CADPS2: variants seen among roughly 807,000 people sequenced by gnomAD.
CADPS2 encodes calcium dependent secretion activator 2.
In CADPS2, 93 loss-of-function variants were observed where a neutral mutation model predicts 172.5. That is an observed-to-expected ratio of 0.54 (90% CI 0.46 to 0.64). The LOEUF is 0.64. Among genes scored for constraint, CADPS2 ranks in the 30% least tolerant of loss-of-function variants. The probability of loss-of-function intolerance (pLI) is 0.00; values close to 1 mark genes in which losing one functional copy is unlikely to be tolerated. For synonymous variants in CADPS2, 546 were observed against 555.2 expected (o/e 0.98, Z 0.23); for missense variants, 1,420 against 1,565.9 (o/e 0.91, Z 1.57).
intron 1 of CADPS2, among the ~76,000 whole-genome samples, chr7:122,856,227 A>T (rs1014003736): frequency 1.3e-5 from 2 of 152,180 alleles, no homozygotes; most frequent in Admixed American, 6.5e-5. Flanking sequence ...ACTATTAGAC[A>T]TGCTTTCTGT....
chr7:122,386,680 A>C (rs1252130163), intron 24 of CADPS2, among the ~76,000 whole-genome samples: 1 of 152,094 alleles, frequency 6.6e-6, no homozygotes, highest in African/African-American at 2.4e-5. Context: ...TTATAGATGC[A>C]AACTCTGGAT....
intron 1 of CADPS2, among the ~76,000 whole-genome samples, chr7:122,779,415 C>A (rs966487754): frequency 1.3e-5 from 2 of 152,104 alleles, no homozygotes; most frequent in African/African-American, 4.8e-5. Context: ...CTCAGGGAAC[C>A]AAGCCCAACC....
chr7:122,730,986 G>GA (rs962881114), intron 2 of CADPS2, among the ~76,000 whole-genome samples: 12 of 121,082 alleles, frequency 9.9e-5, no homozygotes, highest in South Asian at 5.6e-4. Flanking sequence ...TAAACATATT[G>GA]AAAAATTTTT....
intron 1 of CADPS2, among the ~76,000 whole-genome samples, chr7:122,741,046 C>T (rs2092448377): frequency 6.6e-6 from 1 of 152,086 alleles, no homozygotes; most frequent in Non-Finnish European, 1.5e-5. Context: ...AGGTTATTTA[C>T]CACATAATTC....
chr7:122,658,591 T>G (rs143686809), intron 3 of CADPS2, among the ~76,000 whole-genome samples: 3 of 152,084 alleles, frequency 2.0e-5, no homozygotes, highest in Non-Finnish European at 4.4e-5. Context: ...TGTAGGGACA[T>G]GGATGAAGCT....
intron 17 of CADPS2, 84 bp from the exon 18 acceptor site, chr7:122,416,248 T>G (rs969988373): frequency 1.6e-6 from 1 of 609,392 alleles, no homozygotes; most frequent in Non-Finnish European, 2.7e-6. Context: ...GACTAGAATG[T>G]TGAAATAGAA....
chr7:122,581,415 C>T (rs368915676), intron 6 of CADPS2, 125 bp from the exon 7 acceptor site: 1 of 676,906 alleles, frequency 1.5e-6, no homozygotes. Context: ...TTTATCTTTG[C>T]TTTTGTTTCT....
intron 2 of CADPS2, among the ~76,000 whole-genome samples, chr7:122,732,285 A>C (rs895422887): frequency 3.3e-5 from 5 of 151,688 alleles, no homozygotes; most frequent in African/African-American, 7.2e-5. Flanking sequence ...CCAGGTATTA[A>C]AGTAAACCGA....
rs1464237813 is a variant in CADPS2 at position 122,393,187 on chromosome 7, A to G, written c.3008+9T>C. On this transcript the variant is annotated intron_variant, in intron 22 of 29. Coordinates refer to ENST00000449022, the MANE Select transcript of CADPS2 (RefSeq NM_017954.11). ...ACACACCACCAGGAAATAAGTGAGGAATACACACGTGGACTCATATAAAGA... is the reference window on the plus strand; with the variant it reads ...ACACACCACCAGGAAATAAGTGAGGGATACACACGTGGACTCATATAAAGA... 3 of 1,613,016 alleles carry G rather than the reference A, an allele frequency of 1.9e-6. No homozygotes were observed. The African/African-American group carries it at 4.0e-5, about 22-fold the overall frequency.
intron 2 of CADPS2, among the ~76,000 whole-genome samples, chr7:122,720,026 T>C (rs1460968010): frequency 1.3e-5 from 2 of 152,090 alleles, no homozygotes; most frequent in Non-Finnish European, 2.9e-5. Flanking sequence ...CTAAACATTA[T>C]GCTTGAATTA....
intron 1 of CADPS2, among the ~76,000 whole-genome samples, chr7:122,756,564 T>C (rs1387108480): frequency 1.3e-5 from 2 of 152,212 alleles, no homozygotes; most frequent in African/African-American, 2.4e-5. Flanking sequence ...TCTGATGTTA[T>C]ACTATGTCAT....
intron 2 of CADPS2, among the ~76,000 whole-genome samples, chr7:122,670,409 T>C (rs980925528): frequency 1.7e-4 from 25 of 151,030 alleles, no homozygotes; most frequent in Admixed American, 1.4e-3. Context: ...GTCTCTACAA[T>C]AAAATTTAAA....
At chr7:122,837,681 G>A (rs185376359) in intron 1 of CADPS2, among the ~76,000 whole-genome samples, 1 of 152,270 alleles carries the variant, frequency 6.6e-6, no homozygotes, top group African/African-American at 2.4e-5. Context: ...AAATCTACAA[G>A]AAATGGATAA....
chr7:122,767,349 A>G lies in CADPS2; in HGVS notation c.340-30281T>C, dbSNP rs1439895370. On this transcript the variant is annotated intron_variant, in intron 1 of 29. Transcript: ENST00000449022. ...ATTTCAGAAGTTAAAGAAACTGCCC[A>G]TGCAGATAAGTGATAGAGCTGGGAT... Among the ~76,000 whole-genome samples the G allele has an allele frequency of 2.0e-5, 3 of 152,282 alleles. No individual in the cohort carries two copies. In the East Asian group the frequency reaches 5.8e-4, roughly 29 times the overall value.
chr7:122,838,026 C>T (rs556199970), intron 1 of CADPS2, among the ~76,000 whole-genome samples: 1 of 152,208 alleles, frequency 6.6e-6, no homozygotes, highest in South Asian at 2.1e-4. Context: ...TGCAAAAATC[C>T]TCAATAAAAT....
At chr7:122,833,948 T>C (rs974867437) in intron 1 of CADPS2, among the ~76,000 whole-genome samples, 2 of 152,150 alleles carry the variant, frequency 1.3e-5, no homozygotes, top group African/African-American at 4.8e-5. Flanking sequence ...ATATATCAGA[T>C]TGGGGTGCCC....
intron 6 of CADPS2, among the ~76,000 whole-genome samples, chr7:122,582,491 T>C (rs2068977853): frequency 6.6e-6 from 1 of 152,052 alleles, no homozygotes; most frequent in African/African-American, 2.4e-5. Context: ...GAAAACAGCT[T>C]AATTTCTATT....
At position 122,474,508 on chromosome 7, in the gene CADPS2, C is replaced by G; in HGVS notation, c.1871G>C (p.Arg624Pro). ...CTCATCCATACCATGTTTCTGAAAACGATCTGCATCTGTAAATTCAGGAAA... is the reference window on the plus strand; with the variant it reads ...CTCATCCATACCATGTTTCTGAAAAGGATCTGCATCTGTAAATTCAGGAAA... The part of the protein sequence containing the change: ...DAQLSGKDAD[R>P]FQKHGMDEFI... Residue 624 changes from arginine (R) to proline (P), a missense_variant, in exon 13 of 30, where the codon CGT becomes CCT. Coordinates refer to ENST00000449022, the MANE Select transcript of CADPS2 (RefSeq NM_017954.11). 1.9e-6 allele frequency: 3 copies of G among 1,612,498 alleles called. No individual in the cohort carries two copies. Among genetic ancestry groups the G allele is most frequent in the Non-Finnish European group, 2.5e-6 (3 of 1,179,252 alleles).
At chr7:122,868,086 C>G (rs1334433718) in intron 1 of CADPS2, among the ~76,000 whole-genome samples, 1 of 152,050 alleles carries the variant, frequency 6.6e-6, no homozygotes, top group Non-Finnish European at 1.5e-5. Context: ...CTTGCTTCAG[C>G]AATAAATCTA....
Sources: gnomAD v4.1 joint callset for allele counts (sites outside exome capture counted in the v4.1 genomes callset) on GRCh38, gnomAD v4.1.1 for gene constraint, MANE v1.5 for transcripts, NCBI Gene and HGNC (gene_info 2026-07-23, HGNC 2026-07-21) for gene names.